ZBTB7B: variants seen among roughly 807,000 people sequenced by gnomAD.
ZBTB7B encodes the protein zinc finger and BTB domain containing 7B.
A neutral mutation model predicts 31.0 loss-of-function variants in ZBTB7B; 8 were observed. The observed-to-expected ratio is 0.26, with a 90% CI of 0.15 to 0.47. The LOEUF is 0.47. Ranked by LOEUF, ZBTB7B falls within the 20% of genes least tolerant of loss-of-function variation. ZBTB7B has a pLI of 0.99. For missense variants in ZBTB7B, 494 were observed against 742.4 expected (o/e 0.67, Z 3.89); for synonymous variants, 261 against 307.3 (o/e 0.85, Z 1.58).
rs142608341 is a variant in ZBTB7B at position 155,003,366 on chromosome 1, C to T, written c.-7+423C>T. Among the ~76,000 whole-genome samples, 22 of 152,026 alleles carry T rather than the reference C, an allele frequency of 1.4e-4. No homozygotes were observed. Among genetic ancestry groups the T allele is most frequent in the African/African-American group, 5.3e-4 (22 of 41,448 alleles). ...AACTAGGACAACGCGCACCCCCCCC[C>T]CACCCCGCGCCCCCTGGCGCGGTGG... On this transcript the variant is annotated intron_variant, in intron 1 of 2. Coordinates refer to ENST00000535420, the MANE Select transcript of ZBTB7B (RefSeq NM_001256455.2). The surrounding 1 kb of genome is among the most constrained non-coding windows in gnomAD (Gnocchi z 5.8).
In ZBTB7B at chr1:155,016,139, C is replaced by A; in HGVS notation, c.1155-81C>A. Reference sequence around the variant, plus strand: ...CAAATGGTGAGGAACAGGGATGGGACAAGGCCAGGGTGGGATGACCAGGAG... The same window carrying A: ...CAAATGGTGAGGAACAGGGATGGGAAAAGGCCAGGGTGGGATGACCAGGAG... On this transcript the variant is annotated intron_variant, in intron 2 of 2. Coordinates refer to ENST00000535420, the MANE Select transcript of ZBTB7B (RefSeq NM_001256455.2). This position sits in a 1 kb window ranked among gnomAD's most constrained non-coding sequence, Gnocchi z 4.3. 2 of 1,459,306 alleles carry A rather than the reference C, an allele frequency of 1.4e-6. No homozygotes were observed. Among genetic ancestry groups the A allele is most frequent in the Non-Finnish European group, 1.9e-6 (2 of 1,062,444 alleles). The allele number at this position is 1,459,306 out of a possible 1,614,324, so 90.4% of individuals were successfully genotyped here. A position where few individuals can be genotyped will look rare whatever the true frequency, so the allele number is the denominator to read the frequency against.
Position 155,003,873 on chromosome 1 carries a change from G to T in ZBTB7B, c.-7+930G>T, listed in dbSNP as rs1658395935. ...CCCATCCCAAGTAAGAGAGCGACGTGTCCCGGCCAGAGCGAGGTGGGGGCG... is the reference window on the plus strand; with the variant it reads ...CCCATCCCAAGTAAGAGAGCGACGTTTCCCGGCCAGAGCGAGGTGGGGGCG... On this transcript the variant is annotated intron_variant, in intron 1 of 2. Transcript: ENST00000535420. This position sits in a 1 kb window ranked among gnomAD's most constrained non-coding sequence, Gnocchi z 5.8. Among the ~76,000 whole-genome samples, 1 of 152,188 alleles carries T rather than the reference G, an allele frequency of 6.6e-6. No individual in the cohort carries two copies. The highest frequency in any genetic ancestry group is 2.4e-5 in the African/African-American group (1 of 41,454).
upstream of ZBTB7B, among the ~76,000 whole-genome samples, chr1:155,001,970 G>C (rs946703919): frequency 2.0e-4 from 30 of 146,406 alleles, no homozygotes; most frequent in Admixed American, 4.2e-4. This position sits in a 1 kb window ranked among gnomAD's most constrained non-coding sequence, Gnocchi z 4.8. Context: ...AAGACCCTAA[G>C]TCCCCAATTC....
chr1:155,018,352 G>A lies in ZBTB7B; in HGVS notation c.*1667G>A. Reference sequence around the variant, plus strand: ...GAGCCCAGGGCTGGGGAGACCTGGGGCCCAGCCCCAGAAAGTGGGGACAAT... The same window carrying A: ...GAGCCCAGGGCTGGGGAGACCTGGGACCCAGCCCCAGAAAGTGGGGACAAT... On this transcript the variant is annotated 3_prime_UTR_variant, in exon 3 of 3. Transcript: ENST00000535420. The A allele has an allele frequency of 1.6e-6, 1 of 618,858 alleles. No individual in the cohort carries two copies. Among genetic ancestry groups the A allele is most frequent in the Non-Finnish European group, 2.8e-6 (1 of 358,422 alleles). 38.3% of individuals were successfully genotyped at this position (618,858 alleles called of 1,614,324 possible). A position where few individuals can be genotyped will look rare whatever the true frequency, so the allele number is the denominator to read the frequency against.
chr1:155,013,389 T>G (rs914451909), intron 1 of ZBTB7B, among the ~76,000 whole-genome samples: 1 of 152,236 alleles, frequency 6.6e-6, no homozygotes, highest in Non-Finnish European at 1.5e-5. Flanking sequence ...GCTGAAGGTC[T>G]GAGCCATTGG....
At chr1:155,001,903 C>G (rs939897098), upstream of ZBTB7B, among the ~76,000 whole-genome samples, 1 of 151,764 alleles carries the variant, frequency 6.6e-6, no homozygotes, top group Admixed American at 6.5e-5. The surrounding 1 kb of genome is among the most constrained non-coding windows in gnomAD (Gnocchi z 4.8). Flanking sequence ...GGCTCCCCCT[C>G]CCCCTCCCTT....
At chr1:155,007,386 G>T (rs1461756438) in intron 1 of ZBTB7B, among the ~76,000 whole-genome samples, 2 of 152,206 alleles carry the variant, frequency 1.3e-5, no homozygotes, top group Non-Finnish European at 2.9e-5. Context: ...CTCCCTTGCA[G>T]GCTGCAGGCA....
At chr1:155,014,603 C>T (rs1659221303) in intron 1 of ZBTB7B, 52 bp from the exon 2 acceptor site, 1 of 1,541,440 alleles carries the variant, frequency 6.5e-7, no homozygotes, top group Non-Finnish European at 8.8e-7. Context: ...CCTCTTTCCC[C>T]AGACCCCTGT....
In ZBTB7B at chr1:155,015,779, C is replaced by A. The variant is rs71628639; in HGVS notation, c.1119C>A (p.Pro373=). The A allele has an allele frequency of 0.012, 19,566 of 1,612,224 alleles. 201 individuals carry two copies. Among genetic ancestry groups the A allele is most frequent in the Non-Finnish European group, 0.013 (15,247 of 1,179,918 alleles). ...RHMRTHTGEK[P]FACEVCGVRF... ...TGAGGACCCACACAGGCGAGAAGCCCTTTGCCTGCGAGGTCTGCGGTGTTC... is the reference window on the plus strand; with the variant it reads ...TGAGGACCCACACAGGCGAGAAGCCATTTGCCTGCGAGGTCTGCGGTGTTC... The change falls in exon 2 of 3, where the codon CCC becomes CCA. Residue 373 remains proline, a synonymous_variant. Coordinates refer to ENST00000535420, the MANE Select transcript of ZBTB7B (RefSeq NM_001256455.2).
At chr1:155,012,115 C>T (rs995181065) in intron 1 of ZBTB7B, among the ~76,000 whole-genome samples, 1 of 152,190 alleles carries the variant, frequency 6.6e-6, no homozygotes, top group Non-Finnish European at 1.5e-5. Context: ...CACCCTTGCC[C>T]AATCCCTGTG....
rs748691172 is a variant in ZBTB7B, at chr1:155,015,419, C to G, written c.759C>G (p.Ser253Arg). Residue 253 changes from serine (S) to arginine (R), a missense_variant, in exon 2 of 3, where the codon AGC becomes AGG. Transcript: ENST00000535420. ...GTGGGGGCAGTGGGCCGGGGGACAG[C>G]TACAGCCCTCCCACAGGAACTGCCT... is the stretch of plus-strand genomic sequence containing the variant. ...GSSGGSGPGD[S>R]YSPPTGTASP... is the part of the protein sequence containing the mutation. 5.7e-6 allele frequency: 9 copies of G among 1,571,826 alleles called. No individual in the cohort carries two copies. The highest frequency in any genetic ancestry group is 2.3e-5 in the East Asian group (1 of 44,416).
Position 155,015,528 on chromosome 1 carries a change from C to T in ZBTB7B, c.868C>T (p.Leu290=). The part of the protein sequence containing the change: ...EELVYPPAYG[L]AQGGGPPLSP... ...GCTGGTATATCCCCCAGCCTATGGGCTGGCGCAGGGTGGCGGGCCCCCGCT... is the reference window on the plus strand; with the variant it reads ...GCTGGTATATCCCCCAGCCTATGGGTTGGCGCAGGGTGGCGGGCCCCCGCT... Residue 290 remains leucine (L), a synonymous_variant, in exon 2 of 3, where the codon CTG becomes TTG. Transcript: ENST00000535420. The T allele has an allele frequency of 6.2e-7, 1 of 1,613,916 alleles. No homozygotes were observed. Among genetic ancestry groups the T allele is most frequent in the Non-Finnish European group, 8.5e-7 (1 of 1,179,950 alleles).
chr1:155,017,356 T>TAGAGGGGCGGC lies in ZBTB7B; in HGVS notation c.*679_*680insGGCAGAGGGGC, dbSNP rs1553257686. On this transcript the variant is annotated 3_prime_UTR_variant, in exon 3 of 3. Coordinates refer to ENST00000535420, the MANE Select transcript of ZBTB7B (RefSeq NM_001256455.2). Reference sequence around the variant, plus strand: ...TTGGCTCGCCTGCCCCTGGGGGCAGTAGAGGGGCCCCGCCCAGCTAGGGGA... The same window carrying TAGAGGGGCGGC: ...TTGGCTCGCCTGCCCCTGGGGGCAGTAGAGGGGCGGCAGAGGGGCCCCGCCCAGCTAGGGGA... The TAGAGGGGCGGC allele has an allele frequency of 1.3e-4, 20 of 152,172 alleles. No homozygotes were observed. The highest frequency in any genetic ancestry group is 2.6e-4 in the Non-Finnish European group (18 of 68,216). The allele number at this position is 152,172 out of a possible 1,614,324, so 9.4% of individuals were successfully genotyped here. A position where few individuals can be genotyped will look rare whatever the true frequency, so the allele number is the denominator to read the frequency against.
chr1:155,010,850 G>A (rs1401041258), intron 1 of ZBTB7B: 1 of 1,331,962 alleles, frequency 7.5e-7, no homozygotes, highest in East Asian at 2.5e-5. Flanking sequence ...GTAAGGGGGA[G>A]GGGTGGCCAG....
chr1:155,011,343 T>G (rs895025045), intron 1 of ZBTB7B, among the ~76,000 whole-genome samples: 7 of 152,228 alleles, frequency 4.6e-5, no homozygotes, highest in Non-Finnish European at 7.4e-5. Context: ...CTCCACCTTT[T>G]GGTTTCTTGG....
At chr1:155,014,128 G>C in intron 1 of ZBTB7B, 1 of 969,948 alleles carries the variant, frequency 1.0e-6, no homozygotes, top group Non-Finnish European at 1.2e-6. Flanking sequence ...CTCTCCCCAG[G>C]TTATGAGGAG....
At position 155,018,442 on chromosome 1, in the gene ZBTB7B, C is replaced by G. The variant is rs532972227; in HGVS notation, c.*1757C>G. The G allele has an allele frequency of 1.8e-5, 22 of 1,198,970 alleles. 1 individual carries two copies. Among genetic ancestry groups the G allele is most frequent in the African/African-American group, 3.1e-5 (2 of 65,410 alleles). 74.3% of individuals were successfully genotyped at this position (1,198,970 alleles called of 1,614,324 possible). A position where few individuals can be genotyped will look rare whatever the true frequency, so the allele number is the denominator to read the frequency against. ...TGCCTTAGGGGGAGAGGCACTCCCC[C>G]CCTCCTATTCCCTTCCCCCCACCCC... On this transcript the variant is annotated 3_prime_UTR_variant, in exon 3 of 3. Coordinates refer to ENST00000535420, the MANE Select transcript of ZBTB7B (RefSeq NM_001256455.2).
chr1:155,011,417 T>C (rs368759574), intron 1 of ZBTB7B, among the ~76,000 whole-genome samples: 1 of 152,220 alleles, frequency 6.6e-6, no homozygotes, highest in African/African-American at 2.4e-5. Flanking sequence ...ACTCCCACCT[T>C]TACCCCCTCC....
Position 155,016,777 on chromosome 1 carries a change from G to C in ZBTB7B, c.*92G>C. ...GCAGGACAGACACAGCAGGGGTCTGGGGCACGGAGCCTTGCTGGCATCAGC... is the reference window on the plus strand; with the variant it reads ...GCAGGACAGACACAGCAGGGGTCTGCGGCACGGAGCCTTGCTGGCATCAGC... On this transcript the variant is annotated 3_prime_UTR_variant, in exon 3 of 3. Coordinates refer to ENST00000535420, the MANE Select transcript of ZBTB7B (RefSeq NM_001256455.2). This position sits in a 1 kb window ranked among gnomAD's most constrained non-coding sequence, Gnocchi z 4.3. The C allele has an allele frequency of 1.4e-6, 1 of 729,548 alleles. No individual in the cohort carries two copies. Among genetic ancestry groups the C allele is most frequent in the Non-Finnish European group, 2.3e-6 (1 of 443,966 alleles). The allele number at this position is 729,548 out of a possible 1,614,324, so 45.2% of individuals were successfully genotyped here.
Sources: gnomAD v4.1 joint callset for allele counts (sites outside exome capture counted in the v4.1 genomes callset) on GRCh38, gnomAD v4.1.1 for gene constraint, Gnocchi (gnomAD v3.1) non-coding constraint, MANE v1.5 for transcripts, NCBI Gene and HGNC (gene_info 2026-07-23, HGNC 2026-07-21) for gene names.